Variants in GPATCH2L observed in about 807,000 individuals in gnomAD.
GPATCH2L encodes the protein G patch domain-containing protein 2-like.
In GPATCH2L, 31 loss-of-function variants were observed where a neutral mutation model predicts 57.4. The ratio of observed to expected loss-of-function variants is 0.54; its 90% CI spans 0.41 to 0.73. The LOEUF is 0.73. Ranked by LOEUF, GPATCH2L falls within the 30% of genes least tolerant of loss-of-function variation. The pLI is 0.00. For synonymous variants in GPATCH2L, 199 were observed against 210.7 expected, an observed-to-expected ratio of 0.94 and a Z score of 0.48; for missense variants, 481 against 599.9, an observed-to-expected ratio of 0.80 and a Z score of 2.07.
chr14:76,224,590 T>G (rs935109726), intron 1 of GPATCH2L, among the ~76,000 whole-genome samples: 1 of 152,266 alleles, frequency 6.6e-6, no homozygotes, highest in Middle Eastern at 3.4e-3. Context: ...AATATCATAG[T>G]TAATAGTGAA....
At chr14:76,187,955 T>A (rs1417558535) in intron 8 of GPATCH2L, among the ~76,000 whole-genome samples, 5 of 152,178 alleles carry the variant, frequency 3.3e-5, no homozygotes, top group Non-Finnish European at 7.4e-5. Context: ...CACAAATAAG[T>A]GAGAACATGT....
In GPATCH2L at chr14:76,169,713, G is replaced by A. The variant is rs145121045; in HGVS notation, c.728-2130G>A. ...ATTCCATTATAGTTTGCCATTTGTC[G>A]TCAGAAAACATGGCCTAATTAAATA... On this transcript the variant is annotated intron_variant, in intron 3 of 9. Coordinates refer to ENST00000261530, the MANE Select transcript of GPATCH2L (RefSeq NM_017926.4). 2.8e-3 allele frequency among the ~76,000 whole-genome samples: 430 copies of A among 152,286 alleles called. 3 individuals are homozygous for A. The highest frequency in any genetic ancestry group is 9.6e-3 in the African/African-American group (400 of 41,558).
Position 76,154,692 on chromosome 14 carries a change from C to T in GPATCH2L, c.329C>T (p.Ser110Phe). The T allele has an allele frequency of 3.1e-6, 5 of 1,614,210 alleles. No individual in the cohort carries two copies. Among genetic ancestry groups the T allele is most frequent in the East Asian group, 4.5e-5 (2 of 44,888 alleles). ...LNAIVKSKQH[S>F]WHESDSFTEN... is the part of the protein sequence containing the mutation. Reference sequence around the variant, plus strand: ...GCCATTGTCAAGAGTAAGCAACATTCTTGGCATGAATCTGACTCCTTTACT... The same window carrying T: ...GCCATTGTCAAGAGTAAGCAACATTTTTGGCATGAATCTGACTCCTTTACT... Residue 110 changes from serine to phenylalanine, a missense_variant, in exon 2 of 10, where the codon TCT (serine) becomes TTT (phenylalanine). This residue lies in a region of GPATCH2L where 208 missense variants were observed against 272.4 expected (regional missense o/e 0.76). Coordinates refer to ENST00000261530, the MANE Select transcript of GPATCH2L (RefSeq NM_017926.4). The surrounding 1 kb of genome is among the most constrained non-coding windows in gnomAD (Gnocchi z 4.4).
intron 8 of GPATCH2L, among the ~76,000 whole-genome samples, chr14:76,185,316 T>C (rs951643978): frequency 6.6e-6 from 1 of 152,174 alleles, no homozygotes; most frequent in African/African-American, 2.4e-5. Flanking sequence ...GATGGTGTGA[T>C]TGGCGTTCTG....
chr14:76,160,177 A>G (rs985684381), intron 2 of GPATCH2L, among the ~76,000 whole-genome samples: 1 of 152,072 alleles, frequency 6.6e-6, no homozygotes, highest in Admixed American at 6.5e-5. Flanking sequence ...AATGATGCTC[A>G]ATGGGAAGAG....
chr14:76,233,096 A>C (rs773351198), intron 2 of GPATCH2L, among the ~76,000 whole-genome samples: 2 of 152,214 alleles, frequency 1.3e-5, no homozygotes, highest in Non-Finnish European at 2.9e-5. Flanking sequence ...ATTCTTTACT[A>C]CACACCCTAT....
intron 9 of GPATCH2L, among the ~76,000 whole-genome samples, chr14:76,200,426 A>G (rs545739011): frequency 5.3e-5 from 8 of 152,022 alleles, no homozygotes; most frequent in Middle Eastern, 3.4e-3. Flanking sequence ...AGTTTTTTGA[A>G]ATTTATTACC....
chr14:76,173,518 G>A (rs749011474), intron 4 of GPATCH2L, 28 bp from the exon 5 acceptor site: 3 of 1,488,570 alleles, frequency 2.0e-6, no homozygotes, highest in South Asian at 2.3e-5. Flanking sequence ...TCTGCATTCG[G>A]TATCTGAGGC....
chr14:76,222,049 C>T (rs893970141), intron 1 of GPATCH2L, among the ~76,000 whole-genome samples: 6 of 152,104 alleles, frequency 3.9e-5, no homozygotes, highest in Non-Finnish European at 7.3e-5. Flanking sequence ...GTGAGGAAGG[C>T]TGTGCATGTG....
chr14:76,198,218 C>G (rs1324299687), intron 9 of GPATCH2L, among the ~76,000 whole-genome samples: 5 of 152,138 alleles, frequency 3.3e-5, no homozygotes, highest in Non-Finnish European at 1.5e-5. Context: ...AGAACCACAC[C>G]CTGGATCTTA....
At chr14:76,175,730 C>T (rs2039294083) in intron 5 of GPATCH2L, 1 of 152,192 alleles carries the variant, frequency 6.6e-6, no homozygotes, top group Admixed American at 6.5e-5. Flanking sequence ...ACAGCCAGTT[C>T]TGCTGAAATG....
At chr14:76,173,719 TCC>T in intron 5 of GPATCH2L, 94 bp downstream of exon 5, 1 of 821,872 alleles carries the variant, frequency 1.2e-6, no homozygotes, top group Non-Finnish European at 2.1e-6. Context: ...GCTACAGAAC[TCC>T]CTGAAGTTAA....
At chr14:76,192,614 T>C (rs1402507951) in intron 8 of GPATCH2L, among the ~76,000 whole-genome samples, 1 of 152,160 alleles carries the variant, frequency 6.6e-6, no homozygotes, top group African/African-American at 2.4e-5. Context: ...GACTTGGCTA[T>C]AAGATCCATC....
At position 76,154,753 on chromosome 14, in the gene GPATCH2L, G is replaced by A. The variant is rs79214569; in HGVS notation, c.390G>A (p.Arg130=). 9.5e-4 allele frequency: 1,534 copies of A among 1,614,196 alleles called. 13 individuals are homozygous for A. The African/African-American group carries it at 0.017, about 18-fold the overall frequency. ...CTTGTCGACCACTCAGGCGCAGGCG[G>A]AAGGTGAAGCGAGTGACATCAGAGG... The part of the protein sequence containing the change: ...NAPCRPLRRR[R]KVKRVTSEVA... The change falls in exon 2 of 10, where the codon CGG becomes CGA. Residue 130 remains arginine, a synonymous_variant. Transcript: ENST00000261530. This position sits in a 1 kb window ranked among gnomAD's most constrained non-coding sequence, Gnocchi z 4.4.
chr14:76,227,681 T>C (rs1267617997), intron 1 of GPATCH2L, among the ~76,000 whole-genome samples: 1 of 152,222 alleles, frequency 6.6e-6, no homozygotes, highest in Non-Finnish European at 1.5e-5. Context: ...AACACAGATA[T>C]AATCCTATAC....
Position 76,154,384 on chromosome 14 carries a change from C to T in GPATCH2L, c.21C>T (p.Asp7=). The stretch of plus-strand genomic sequence containing the variant: ...GCCTCATGGATGAGCTGGTACACGA[C>T]TTAGCCTCAGCCTTGGAGCAGACAT... MDELVH[D]LASALEQTSE... The change falls in exon 2 of 10, where the codon GAC becomes GAT. Residue 7 remains aspartate (D), a synonymous_variant. Transcript: ENST00000261530. The surrounding 1 kb of genome is among the most constrained non-coding windows in gnomAD (Gnocchi z 4.4). 6.2e-7 allele frequency: 1 copy of T among 1,602,654 alleles called. No individual in the cohort carries two copies. The highest frequency in any genetic ancestry group is 1.3e-5 in the African/African-American group (1 of 74,830).
intron 2 of GPATCH2L, among the ~76,000 whole-genome samples, chr14:76,230,826 T>A (rs868570056): frequency 2.0e-5 from 3 of 152,328 alleles, no homozygotes; most frequent in Middle Eastern, 3.4e-3. Context: ...TCTCTGCACT[T>A]GGAGCTTTAA....
intron 8 of GPATCH2L, among the ~76,000 whole-genome samples, chr14:76,181,862 G>C (rs1363536604): frequency 6.6e-6 from 1 of 152,154 alleles, no homozygotes; most frequent in Non-Finnish European, 1.5e-5. Context: ...TTCCTAATAA[G>C]TTCTTAAATG....
chr14:76,226,180 T>C (rs1044608260), intron 1 of GPATCH2L, among the ~76,000 whole-genome samples: 2 of 152,144 alleles, frequency 1.3e-5, no homozygotes. Context: ...GTACTACATA[T>C]AACAGTGAAA....
Sources: gnomAD v4.1 joint callset for allele counts (sites outside exome capture counted in the v4.1 genomes callset) on GRCh38, gnomAD v4.1.1 for gene constraint, gnomAD v4.1.1 regional missense constraint, Gnocchi (gnomAD v3.1) non-coding constraint, MANE v1.5 for transcripts, NCBI Gene and HGNC (gene_info 2026-07-23, HGNC 2026-07-21) for gene names.